The following PMS1 variants were observed in gnomAD, a reference collection of about 807,000 sequenced individuals.
PMS1 encodes the protein PMS1 homolog 1, mismatch repair system component.
A neutral mutation model predicts 93.1 loss-of-function variants in PMS1; 79 were observed. The ratio of observed to expected loss-of-function variants is 0.85; its 90% CI spans 0.71 to 1.02. PMS1 has a LOEUF of 1.02. Among genes scored for constraint, PMS1 ranks in the 50% least tolerant of loss-of-function variants. PMS1 has a pLI of 0.00. For synonymous variants in PMS1, 335 were observed against 363.4 expected (o/e 0.92, Z 0.89); for missense variants, 1,064 against 1,085.3 (o/e 0.98, Z 0.28).
chr2:189,854,005 C>T lies in PMS1; in HGVS notation c.889C>T (p.Leu297=), dbSNP rs146040262. The part of the protein sequence containing the change: ...ESTRLYPVFF[L]KIDVPTADVD... Reference sequence around the variant, plus strand: ...TACTCGTTTGTATCCTGTTTTCTTTCTGAAAATCGATGTTCCTACAGCTGA... The same window carrying T: ...TACTCGTTTGTATCCTGTTTTCTTTTTGAAAATCGATGTTCCTACAGCTGA... The change falls in exon 8 of 13, where the codon CTG becomes TTG. Residue 297 remains leucine, a synonymous_variant. Transcript: ENST00000441310. 1 of 1,608,524 alleles carries T rather than the reference C, an allele frequency of 6.2e-7. No individual in the cohort carries two copies. The highest frequency in any genetic ancestry group is 8.5e-7 in the Non-Finnish European group (1 of 1,176,856).
At chr2:189,820,891 C>A (rs536580182) in intron 5 of PMS1, among the ~76,000 whole-genome samples, 1 of 152,136 alleles carries the variant, frequency 6.6e-6, no homozygotes, top group Admixed American at 6.5e-5. Flanking sequence ...ATAAGAATAG[C>A]AACCTGTTCT....
chr2:189,799,267 C>T (rs980699094), intron 3 of PMS1, among the ~76,000 whole-genome samples: 1 of 152,104 alleles, frequency 6.6e-6, no homozygotes, highest in African/African-American at 2.4e-5. Context: ...AAAATATTAA[C>T]AGTATTTTAT....
chr2:189,854,291 T>C lies in PMS1; in HGVS notation c.1019T>C (p.Leu340Ser). Residue 340 changes from leucine (L) to serine (S), a missense_variant, in exon 9 of 13, where the codon TTA (leucine) becomes TCA (serine). Coordinates refer to ENST00000441310, the MANE Select transcript of PMS1 (RefSeq NM_000534.5). ...ENLMTTCYGP[L>S]PSTNSYENNK... The stretch of plus-strand genomic sequence containing the variant: ...CTGATGACGACTTGTTATGGACCAT[T>C]ACCTAGTACAAATTCTTATGAAAAT... 2 of 1,594,450 alleles carry C rather than the reference T, an allele frequency of 1.3e-6. No homozygotes were observed. Among genetic ancestry groups the C allele is most frequent in the African/African-American group, 2.7e-5 (2 of 73,992 alleles).
chr2:189,870,506 A>G (rs2057054834), intron 11 of PMS1, among the ~76,000 whole-genome samples: 1 of 152,210 alleles, frequency 6.6e-6, no homozygotes, highest in African/African-American at 2.4e-5. Context: ...TTCAAGGGTT[A>G]TTGTTACATA....
intron 5 of PMS1, among the ~76,000 whole-genome samples, chr2:189,826,948 C>A (rs377498450): frequency 7.2e-5 from 11 of 152,090 alleles, no homozygotes; most frequent in African/African-American, 2.7e-4. Context: ...AAAATTCATT[C>A]TTTTGAATTC....
rs2054037569 is a variant in PMS1, at chr2:189,844,073, A to T, written c.692A>T (p.Glu231Val). The change falls in exon 6 of 13, where the codon GAA becomes GTA. Residue 231 changes from glutamate to valine, a missense_variant. Glu to Val is a moderately radical substitution (Grantham distance 121). Transcript: ENST00000441310. ...NMESFQYHSE[E>V]SQIYLSGFLP... ...GAATCCTTTCAGTACCACTCTGAAGAATCTCAGGTATACTGCAAAAACATT... is the reference window on the plus strand; with the variant it reads ...GAATCCTTTCAGTACCACTCTGAAGTATCTCAGGTATACTGCAAAAACATT... 1 of 1,613,746 alleles carries T rather than the reference A, an allele frequency of 6.2e-7. No homozygotes were observed. Among genetic ancestry groups the T allele is most frequent in the Non-Finnish European group, 8.5e-7 (1 of 1,179,910 alleles).
At chr2:189,825,766 T>C (rs1227874346) in intron 5 of PMS1, among the ~76,000 whole-genome samples, 9 of 152,222 alleles carry the variant, frequency 5.9e-5, no homozygotes, top group Admixed American at 5.9e-4. Context: ...AATTAAAGAA[T>C]GTTTTCCTTC....
chr2:189,809,216 A>G (rs1190782548), intron 4 of PMS1, among the ~76,000 whole-genome samples: 2 of 152,170 alleles, frequency 1.3e-5, no homozygotes, highest in Non-Finnish European at 2.9e-5. Flanking sequence ...TCAAGCAACC[A>G]TACCTTTACA....
At chr2:189,788,418 C>A (rs2048557910) in intron 1 of PMS1, among the ~76,000 whole-genome samples, 1 of 152,292 alleles carries the variant, frequency 6.6e-6, no homozygotes, top group Non-Finnish European at 1.5e-5. Flanking sequence ...TCACCACAAT[C>A]ATATGATATC....
rs563943565 is a variant in PMS1, at chr2:189,792,744, A to G, written c.132+803A>G. Among the ~76,000 whole-genome samples, 4 of 146,376 alleles carry G rather than the reference A, an allele frequency of 2.7e-5. No homozygotes were observed. In the East Asian group the frequency reaches 5.9e-4, roughly 22 times the overall value. The stretch of plus-strand genomic sequence containing the variant: ...ATGTAAAATAAAATCCCTTCTATAA[A>G]TCACTTCTCATAAAACACTGTGACT... On this transcript the variant is annotated intron_variant, in intron 2 of 12. Transcript: ENST00000441310.
At chr2:189,815,926 C>A (rs570653743) in intron 4 of PMS1, among the ~76,000 whole-genome samples, 92 of 152,240 alleles carry the variant, frequency 6.0e-4, no homozygotes, top group African/African-American at 2.1e-3. Context: ...CCCTTAGAAA[C>A]AGGGTTTTGT....
intron 10 of PMS1, among the ~76,000 whole-genome samples, chr2:189,864,676 AAAAAAAAAAAAATATATATATATATATAT>A (rs2056422986): frequency 2.2e-5 from 1 of 45,716 alleles, no homozygotes; most frequent in East Asian, 5.2e-4. Flanking sequence ...AAAAAAAAAA[AAAAAAAAAAAAATATATATATATATATAT>A]ATATATATAT....
intron 2 of PMS1, 50 bp downstream of exon 2, chr2:189,791,991 G>A (rs2048911093): frequency 1.3e-6 from 2 of 1,546,008 alleles, no homozygotes; most frequent in African/African-American, 1.4e-5. Context: ...AAAAGGGTCT[G>A]GACACATGTT....
intron 5 of PMS1, among the ~76,000 whole-genome samples, chr2:189,828,282 T>C (rs2052625073): frequency 6.6e-6 from 1 of 152,086 alleles, no homozygotes; most frequent in African/African-American, 2.4e-5. Context: ...CAAATAACAG[T>C]GTATTGTGTA....
intron 9 of PMS1, among the ~76,000 whole-genome samples, chr2:189,857,866 A>G (rs1411268704): frequency 6.6e-6 from 1 of 152,142 alleles, no homozygotes; most frequent in Non-Finnish European, 1.5e-5. Context: ...GCTTCCCTGC[A>G]TAGAAATTAG....
intron 12 of PMS1, among the ~76,000 whole-genome samples, chr2:189,875,599 A>G (rs1015355477): frequency 6.6e-6 from 1 of 152,136 alleles, no homozygotes; most frequent in African/African-American, 2.4e-5. Flanking sequence ...GAATAGTGAA[A>G]GGAAGGAAAG....
chr2:189,861,158 G>T (rs942240304), intron 9 of PMS1, among the ~76,000 whole-genome samples: 1 of 151,686 alleles, frequency 6.6e-6, no homozygotes, highest in Non-Finnish European at 1.5e-5. Flanking sequence ...GGGGAGAGGA[G>T]CCCTTTAGGG....
intron 1 of PMS1, among the ~76,000 whole-genome samples, chr2:189,787,348 G>T (rs2048445881): frequency 6.6e-6 from 1 of 152,176 alleles, no homozygotes; most frequent in South Asian, 2.1e-4. Flanking sequence ...TGAAGGGCTT[G>T]CCATGGGTGA....
Position 189,849,318 on chromosome 2 carries a change from A to C in PMS1, c.700-3337A>C, listed in dbSNP as rs256577. Among the ~76,000 whole-genome samples the C allele has an allele frequency of 5.2e-3, 793 of 152,226 alleles. 11 individuals are homozygous for C. The highest frequency in any genetic ancestry group is 0.018 in the African/African-American group (767 of 41,550). ...ATGCTAAGTTCTGAATAAATTCCTC[A>C]TCATTGCCTGATTTTAATTCTCAAA... is the stretch of plus-strand genomic sequence containing the variant. On this transcript the variant is annotated intron_variant, in intron 6 of 12. Transcript: ENST00000441310.
Sources: allele counts gnomAD v4.1 joint callset (sites outside exome capture counted in the v4.1 genomes callset), GRCh38; gene constraint gnomAD v4.1.1; transcripts MANE v1.5; gene names NCBI Gene and HGNC (gene_info 2026-07-23, HGNC 2026-07-21).